The following SMG1 variants were observed in gnomAD, a reference collection of about 807,000 sequenced individuals.
SMG1 encodes SMG1 nonsense mediated mRNA decay associated PI3K related kinase.
In SMG1, 22 loss-of-function variants were observed where a neutral mutation model predicts 419.9. The observed-to-expected ratio is 0.05, with a 90% CI of 0.04 to 0.07. The LOEUF is 0.07. Ranked by LOEUF, SMG1 falls within the 10% of genes least tolerant of loss-of-function variation. The pLI is 1.00. For synonymous variants in SMG1, 1,538 were observed against 1,553.5 expected (o/e 0.99, Z 0.23); for missense variants, 3,185 against 4,342.0 (o/e 0.73, Z 7.49).
In SMG1 at chr16:18,847,602, C is replaced by A; in HGVS notation, c.5847G>T (p.Gln1949His). Residue 1949 changes from glutamine to histidine, a missense_variant, in exon 38 of 63, where the codon CAG becomes CAT. Gln to His is a conservative substitution (Grantham distance 24). Around this residue, in one of 27 missense-constraint regions of SMG1, gnomAD observed 130 missense variants for 162.0 expected, o/e 0.80. Transcript: ENST00000446231. ...SANPTMVLQV[Q>H]MLVAELRRVT... ...CCCTGCGCAGTTCAGCCACGAGCAT[C>A]TGAACCTGCATACACAGCACACCCA... 1 of 1,614,018 alleles carries A rather than the reference C, an allele frequency of 6.2e-7. No homozygotes were observed. The highest frequency in any genetic ancestry group is 8.5e-7 in the Non-Finnish European group (1 of 1,179,902).
chr16:18,815,278 G>A lies in SMG1; in HGVS notation c.10518C>T (p.Ile3506=). 6.4e-7 allele frequency: 1 copy of A among 1,570,308 alleles called. No homozygotes were observed. Among genetic ancestry groups the A allele is most frequent in the Non-Finnish European group, 8.7e-7 (1 of 1,155,520 alleles). The change falls in exon 60 of 63, where the codon ATC becomes ATT. Residue 3506 remains isoleucine, a synonymous_variant. Transcript: ENST00000446231. ...ATGCAAAACTCACTAAATTATTATAGATACTGAAATACAAAATAAAATGGC... is the reference window on the plus strand; with the variant it reads ...ATGCAAAACTCACTAAATTATTATAAATACTGAAATACAAAATAAAATGGC... The part of the protein sequence containing the change: ...LKELKTQSQS[I]YNNLVSFASP...
In SMG1 at chr16:18,877,117, A is replaced by C. The variant is rs750337075; in HGVS notation, c.1620+14T>G. 3 of 1,529,934 alleles carry C rather than the reference A, an allele frequency of 2.0e-6. No individual in the cohort carries two copies. Among genetic ancestry groups the C allele is most frequent in the Non-Finnish European group, 2.6e-6 (3 of 1,136,034 alleles). The allele number at this position is 1,529,934 out of a possible 1,614,324, so 94.8% of individuals were successfully genotyped here. A position where few individuals can be genotyped will look rare whatever the true frequency, so the allele number is the denominator to read the frequency against. On this transcript the variant is annotated intron_variant, in intron 12 of 62. Coordinates refer to ENST00000446231, the MANE Select transcript of SMG1 (RefSeq NM_015092.5). ...ACTCAAGTTGTCAAAATTCATTATC[A>C]ATGTATTACTTACCTCTTTTTCTTT...
rs888214614 is a variant in SMG1 at position 18,926,276 on chromosome 16, TGA to T, written c.-237_-236del. The T allele has an allele frequency of 3.8e-6, 2 of 521,300 alleles. No individual in the cohort carries two copies. Among genetic ancestry groups the T allele is most frequent in the Non-Finnish European group, 6.7e-6 (2 of 298,390 alleles). The allele number at this position is 521,300 out of a possible 1,614,324, so 32.3% of individuals were successfully genotyped here. ...GGACGAGGAGGCGGGAGCGGCGCGGTGAGAGAGAGGCGGATGAAGGGGAGGCG... is the reference window on the plus strand; with the variant it reads ...GGACGAGGAGGCGGGAGCGGCGCGGTGAGAGAGGCGGATGAAGGGGAGGCG... On this transcript the variant is annotated 5_prime_UTR_variant, in exon 1 of 63. Coordinates refer to ENST00000446231, the MANE Select transcript of SMG1 (RefSeq NM_015092.5).
chr16:18,820,721 A>T (rs2032453961), intron 55 of SMG1, among the ~76,000 whole-genome samples: 1 of 152,230 alleles, frequency 6.6e-6, no homozygotes, highest in South Asian at 2.1e-4. Context: ...TCTGACCAAT[A>T]CACTGTAGAG....
chr16:18,926,021 C>T lies in SMG1; in HGVS notation c.21G>A (p.Gly7=). The stretch of plus-strand genomic sequence containing the variant: ...CGCCGCCGCCGCTGCTCAGCCGAGA[C>T]CCCGGGGCTCTGCGGCTCATTACCT... The part of the protein sequence containing the change: MSRRAP[G]SRLSSGGGGG... The change falls in exon 1 of 63, where the codon GGG becomes GGA. Residue 7 remains glycine (G), a synonymous_variant. Coordinates refer to ENST00000446231, the MANE Select transcript of SMG1 (RefSeq NM_015092.5). 6.3e-7 allele frequency: 1 copy of T among 1,577,212 alleles called. No individual in the cohort carries two copies. Among genetic ancestry groups the T allele is most frequent in the Non-Finnish European group, 8.6e-7 (1 of 1,169,340 alleles).
intron 33 of SMG1, among the ~76,000 whole-genome samples, chr16:18,851,549 A>G (rs185698543): frequency 6.6e-6 from 1 of 152,332 alleles, no homozygotes; most frequent in East Asian, 1.9e-4. Flanking sequence ...TTTACCTAAA[A>G]TGAACTTCAC....
chr16:18,845,735 A>G, intron 38 of SMG1, 84 bp from the exon 39 acceptor site: 1 of 974,912 alleles, frequency 1.0e-6, no homozygotes, highest in Non-Finnish European at 1.6e-6. Context: ...CAATATATCA[A>G]TTGTTAAGTA....
In SMG1 at chr16:18,884,530, T is replaced by A. The variant is rs192709799; in HGVS notation, c.1022-363A>T. 1.7e-3 allele frequency among the ~76,000 whole-genome samples: 261 copies of A among 152,204 alleles called. 1 individual carries two copies. The highest frequency in any genetic ancestry group is 5.3e-3 in the African/African-American group (221 of 41,532). On this transcript the variant is annotated intron_variant, in intron 8 of 62. Transcript: ENST00000446231. ...TCTAACCATTAAAGGTGTATACTCA[T>A]CTCCTCAGTGAAAATGAAACAGGCC...
chr16:18,888,820 C>CTTTTT (rs71141087), intron 6 of SMG1, among the ~76,000 whole-genome samples: 11 of 112,008 alleles, frequency 9.8e-5, no homozygotes, highest in African/African-American at 3.1e-4. Context: ...CAACATGTAT[C>CTTTTT]TTTTTTTTTT....
chr16:18,832,792 G>A (rs1448467908), intron 51 of SMG1, 148 bp downstream of exon 51: 2 of 692,668 alleles, frequency 2.9e-6, no homozygotes, highest in African/African-American at 3.6e-5. Flanking sequence ...AAATAAAAAA[G>A]TTTTAAAAAG....
chr16:18,880,314 A>C (rs930673649), intron 10 of SMG1, among the ~76,000 whole-genome samples: 16 of 152,318 alleles, frequency 1.1e-4, no homozygotes, highest in African/African-American at 3.1e-4. Flanking sequence ...TAAATTTCTA[A>C]TAAAATAGGG....
intron 57 of SMG1, 144 bp from the exon 58 acceptor site, chr16:18,816,673 A>T: frequency 1.6e-6 from 1 of 644,260 alleles, no homozygotes; most frequent in Non-Finnish European, 2.6e-6. Context: ...ATTACCTACA[A>T]GTTACTTAAC....
chr16:18,912,095 A>C (rs2037816045), intron 1 of SMG1, among the ~76,000 whole-genome samples: 1 of 151,796 alleles, frequency 6.6e-6, no homozygotes, highest in Non-Finnish European at 1.5e-5. Flanking sequence ...AAAAAAAAAA[A>C]AAAACCATTC....
intron 55 of SMG1, among the ~76,000 whole-genome samples, chr16:18,820,350 G>A (rs1322433956): frequency 4.0e-5 from 6 of 151,744 alleles, no homozygotes; most frequent in Admixed American, 6.6e-5. Context: ...CAAGAGGTGC[G>A]TGCCACCATG....
intron 1 of SMG1, among the ~76,000 whole-genome samples, chr16:18,907,074 A>G (rs946627798): frequency 2.0e-5 from 3 of 152,292 alleles, no homozygotes; most frequent in Non-Finnish European, 4.4e-5. Flanking sequence ...ACTTGAGGTC[A>G]GGAGTTCAAG....
chr16:18,834,621 T>C (rs1331515421), intron 49 of SMG1, among the ~76,000 whole-genome samples, 183 bp from the exon 50 acceptor site: 1 of 151,916 alleles, frequency 6.6e-6, no homozygotes, highest in Non-Finnish European at 1.5e-5. Context: ...TACCAAAAAA[T>C]ACAAAAATTA....
At chr16:18,832,555 G>C (rs202041287) in intron 51 of SMG1, among the ~76,000 whole-genome samples, 1 of 149,546 alleles carries the variant, frequency 6.7e-6, no homozygotes, top group Non-Finnish European at 1.5e-5. Flanking sequence ...AAGGATATAT[G>C]TATGTATGTG....
chr16:18,837,137 A>G, intron 46 of SMG1, 116 bp downstream of exon 46: 3 of 991,070 alleles, frequency 3.0e-6, no homozygotes, highest in South Asian at 2.1e-5. Context: ...TCACTGAGAC[A>G]GCTTTTATCA....
chr16:18,844,832 A>G (rs2034166897), intron 39 of SMG1, among the ~76,000 whole-genome samples: 1 of 152,190 alleles, frequency 6.6e-6, no homozygotes. Context: ...GGAGCTACAA[A>G]GTAATAAGCT....
Sources: allele counts gnomAD v4.1 joint callset (sites outside exome capture counted in the v4.1 genomes callset), GRCh38; gene constraint gnomAD v4.1.1; regional missense constraint gnomAD v4.1.1; transcripts MANE v1.5; gene names NCBI Gene and HGNC (gene_info 2026-07-23, HGNC 2026-07-21).